The following ABCC9 variants were observed in gnomAD, a reference collection of about 807,000 sequenced individuals.
ABCC9 encodes ATP-binding cassette sub-family C member 9.
Under a neutral mutation model 188.3 loss-of-function variants are expected in ABCC9, and 95 were observed. The ratio of observed to expected loss-of-function variants is 0.50; its 90% confidence interval spans 0.43 to 0.60. ABCC9 has a LOEUF of 0.60. Ranked by LOEUF, ABCC9 falls within the 20% of genes least tolerant of loss-of-function variation. ABCC9 has a pLI of 0.00. For missense variants in ABCC9, 1,102 were observed against 1,876.3 expected (o/e 0.59, Z 7.62); for synonymous variants, 659 against 652.7 (o/e 1.01, Z -0.15).
At chr12:21,869,351 T>C (rs1050228042) in intron 18 of ABCC9, among the ~76,000 whole-genome samples, 8 of 152,338 alleles carry the variant, frequency 5.3e-5, no homozygotes, top group African/African-American at 1.7e-4. Context: ...TACCTTCATC[T>C]CTCATCTGAA....
rs192230222 is a variant in ABCC9 at position 21,820,022 on chromosome 12, T to C, written c.3670-1771A>G. On this transcript the variant is annotated intron_variant, in intron 31 of 39. Transcript: ENST00000261200. ...GAATAACCAGTCTGGGCTGTTCTTC[T>C]GCAGTTTATACATGCCAAAGTGCTC... 2.6e-3 allele frequency among the ~76,000 whole-genome samples: 391 copies of C among 152,340 alleles called. 6 individuals carry two copies. The highest frequency in any genetic ancestry group is 0.02 in the Admixed American group (308 of 15,286).
At chr12:21,890,516 T>A (rs935120964) in intron 14 of ABCC9, among the ~76,000 whole-genome samples, 1 of 152,182 alleles carries the variant, frequency 6.6e-6, no homozygotes. Flanking sequence ...AAGTCTTACC[T>A]ATTTTTAAGG....
rs1414405197 is a variant in ABCC9, at chr12:21,887,978, C to A, written c.1803-44G>T. 3 of 1,424,226 alleles carry A rather than the reference C, an allele frequency of 2.1e-6. No individual in the cohort carries two copies. In the African/African-American group the frequency reaches 4.2e-5, roughly 20 times the overall value. The allele number at this position is 1,424,226 out of a possible 1,614,324, so 88.2% of individuals were successfully genotyped here. ...ACAGAATAAGAGTTAACAATAAAAC[C>A]ACCACCAACAAAGTGCTACCTAAAT... On this transcript the variant is annotated intron_variant, in intron 14 of 39. Coordinates refer to ENST00000261200, the MANE Select transcript of ABCC9 (RefSeq NM_020297.4).
intron 4 of ABCC9, among the ~76,000 whole-genome samples, chr12:21,933,204 A>G (rs1949355344): frequency 6.6e-6 from 1 of 151,692 alleles, no homozygotes. Context: ...AACAACACAC[A>G]CTGGGGCTTT....
chr12:21,938,269 A>G (rs930200898), intron 2 of ABCC9, among the ~76,000 whole-genome samples: 2 of 152,170 alleles, frequency 1.3e-5, no homozygotes. Context: ...TTTTATAATA[A>G]ATAGTTGATA....
chr12:21,929,201 TTAC>T (rs1250468199), intron 4 of ABCC9, among the ~76,000 whole-genome samples: 1 of 152,010 alleles, frequency 6.6e-6, no homozygotes, highest in East Asian at 1.9e-4. Flanking sequence ...AGTGTATATA[TTAC>T]TTTCTAATAC....
intron 31 of ABCC9, chr12:21,827,187 C>T: frequency 1.0e-6 from 1 of 985,434 alleles, no homozygotes; most frequent in African/African-American, 1.7e-5. Context: ...TCTAATTTTT[C>T]CTGACCTTCC....
At chr12:21,848,026 A>T in intron 25 of ABCC9, 124 bp downstream of exon 25, 1 of 776,196 alleles carries the variant, frequency 1.3e-6, no homozygotes, top group Non-Finnish European at 2.2e-6. Flanking sequence ...TTTCAGTATT[A>T]CTTGATTTAA....
At chr12:21,808,017 G>C (rs1360925382) in intron 37 of ABCC9, among the ~76,000 whole-genome samples, 1 of 151,880 alleles carries the variant, frequency 6.6e-6, no homozygotes, top group Admixed American at 6.6e-5. Flanking sequence ...ACTGTTGTAT[G>C]GATAAATGAA....
intron 24 of ABCC9, among the ~76,000 whole-genome samples, chr12:21,850,887 T>G (rs1349020826): frequency 6.6e-6 from 1 of 152,058 alleles, no homozygotes; most frequent in Non-Finnish European, 1.5e-5. Context: ...GTTTATTGCT[T>G]TTTTTGCCAA....
intron 18 of ABCC9, among the ~76,000 whole-genome samples, chr12:21,865,352 C>T (rs187931271): frequency 4.6e-5 from 7 of 152,244 alleles, no homozygotes; most frequent in African/African-American, 1.7e-4. Context: ...CTAATGACAT[C>T]TTGGGATGGC....
chr12:21,824,211 A>G (rs919699023), intron 31 of ABCC9, among the ~76,000 whole-genome samples: 2 of 152,140 alleles, frequency 1.3e-5, no homozygotes, highest in African/African-American at 4.8e-5. Context: ...GGGGTGTTGA[A>G]TTTTATCGAA....
chr12:21,839,221 T>C (rs1944255783), intron 29 of ABCC9, among the ~76,000 whole-genome samples: 2 of 152,146 alleles, frequency 1.3e-5, no homozygotes, highest in African/African-American at 2.4e-5. Context: ...AGTAGGGGAA[T>C]GTGGGACAGT....
chr12:21,939,486 A>G (rs1949614837), intron 2 of ABCC9, among the ~76,000 whole-genome samples: 1 of 152,182 alleles, frequency 6.6e-6, no homozygotes, highest in Non-Finnish European at 1.5e-5. Flanking sequence ...TTGTCATTTA[A>G]TGTTTCCCTC....
At chr12:21,815,500 A>G (rs1942548541) in intron 34 of ABCC9, among the ~76,000 whole-genome samples, 2 of 152,208 alleles carry the variant, frequency 1.3e-5, no homozygotes, top group Non-Finnish European at 2.9e-5. Context: ...GCCAGGAGTC[A>G]GAAGACAGAA....
At chr12:21,854,039 T>G (rs1945103970) in intron 22 of ABCC9, among the ~76,000 whole-genome samples, 2 of 152,164 alleles carry the variant, frequency 1.3e-5, no homozygotes, top group Admixed American at 6.5e-5. Context: ...AAGGAGCTGG[T>G]TTCTCATGCT....
At chr12:21,888,703 C>T (rs1233107859) in intron 14 of ABCC9, among the ~76,000 whole-genome samples, 3 of 152,110 alleles carry the variant, frequency 2.0e-5, no homozygotes, top group African/African-American at 7.2e-5. Context: ...AGGCTGGGCA[C>T]AAGACTCCTT....
chr12:21,854,870 T>C (rs1481232147), intron 22 of ABCC9, among the ~76,000 whole-genome samples: 2 of 152,182 alleles, frequency 1.3e-5, no homozygotes, highest in Non-Finnish European at 2.9e-5. Context: ...TATAAAGTGA[T>C]ATCTCCACAG....
intron 31 of ABCC9, among the ~76,000 whole-genome samples, chr12:21,819,953 C>T (rs1942935979): frequency 6.6e-6 from 1 of 152,124 alleles, no homozygotes; most frequent in South Asian, 2.1e-4. Flanking sequence ...CTAGACTGTT[C>T]TTTCTCTTTT....
Sources: gnomAD v4.1 joint callset for allele counts (sites outside exome capture counted in the v4.1 genomes callset) on GRCh38, gnomAD v4.1.1 for gene constraint, MANE v1.5 for transcripts, NCBI Gene and HGNC (gene_info 2026-07-23, HGNC 2026-07-21) for gene names.